GABBR2: variants seen among roughly 807,000 people sequenced by gnomAD.
GABBR2 encodes the protein G-protein coupled receptor 51.
Under a neutral mutation model 105.6 loss-of-function variants are expected in GABBR2, and 23 were observed. The observed-to-expected ratio is 0.22, with a 90% CI of 0.16 to 0.31. The LOEUF (loss-of-function observed/expected upper bound fraction) is 0.31, where lower values mean the gene tolerates loss of function less well. Among genes scored for constraint, GABBR2 ranks in the 10% least tolerant of loss-of-function variants. The pLI is 1.00. For synonymous variants in GABBR2, 478 were observed against 499.7 expected (o/e 0.96, Z 0.58); for missense variants, 734 against 1,245.5 (o/e 0.59, Z 6.18).
In GABBR2 at chr9:98,306,044, A is replaced by T; in HGVS notation, c.2229+77T>A. 1.1e-6 allele frequency: 1 copy of T among 897,814 alleles called. No individual in the cohort carries two copies. Among genetic ancestry groups the T allele is most frequent in the Non-Finnish European group, 1.8e-6 (1 of 564,416 alleles). 55.6% of individuals were successfully genotyped at this position (897,814 alleles called of 1,614,324 possible). On this transcript the variant is annotated intron_variant, in intron 15 of 18. Transcript: ENST00000259455. The surrounding 1 kb of genome is among the most constrained non-coding windows in gnomAD (Gnocchi z 5.4). ...AAAAAGGAATGGGTAAACCTTTTAG[A>T]GAATGGAGAAAAGCCAGCAATGCCC... is the stretch of plus-strand genomic sequence containing the variant.
At chr9:98,693,468 T>C (rs1372208439) in intron 1 of GABBR2, among the ~76,000 whole-genome samples, 1 of 152,200 alleles carries the variant, frequency 6.6e-6, no homozygotes, top group Non-Finnish European at 1.5e-5. Flanking sequence ...AGGTCTCCCT[T>C]GCAGATCATT....
At chr9:98,702,881 G>A (rs1402477439) in intron 1 of GABBR2, among the ~76,000 whole-genome samples, 1 of 152,122 alleles carries the variant, frequency 6.6e-6, no homozygotes, top group Non-Finnish European at 1.5e-5. Flanking sequence ...AGACCCACTG[G>A]CATACCAACC....
At chr9:98,553,142 C>T (rs1009354351) in intron 2 of GABBR2, among the ~76,000 whole-genome samples, 6 of 152,006 alleles carry the variant, frequency 3.9e-5, no homozygotes, top group African/African-American at 1.4e-4. Context: ...CCTTGGCTTC[C>T]AAAAGTGCTG....
chr9:98,624,570 AGGAAGAGAGTCTCTCG>A (rs1374543477), intron 1 of GABBR2, among the ~76,000 whole-genome samples: 1 of 152,100 alleles, frequency 6.6e-6, no homozygotes, highest in Non-Finnish European at 1.5e-5. Flanking sequence ...GAGAGTAGGG[AGGAAGAGAGTCTCTCG>A]GGAAGAGAGA....
At chr9:98,489,513 C>T (rs1827129723) in intron 4 of GABBR2, among the ~76,000 whole-genome samples, 1 of 152,116 alleles carries the variant, frequency 6.6e-6, no homozygotes, top group Admixed American at 6.6e-5. Flanking sequence ...TTTAGAAAGT[C>T]CTTTGTTATC....
chr9:98,363,153 C>A (rs1368649171), intron 12 of GABBR2, among the ~76,000 whole-genome samples: 2 of 152,244 alleles, frequency 1.3e-5, no homozygotes, highest in Non-Finnish European at 2.9e-5. Flanking sequence ...GTCTGGAATA[C>A]CCTATTCTTT....
Position 98,600,966 on chromosome 9 carries a change from G to T in GABBR2, c.322-22894C>A, listed in dbSNP as rs145436478. 6.8e-3 allele frequency among the ~76,000 whole-genome samples: 1,033 copies of T among 152,200 alleles called. 5 individuals are homozygous for T. The highest frequency in any genetic ancestry group is 0.024 in the African/African-American group (977 of 41,502). On this transcript the variant is annotated intron_variant, in intron 1 of 18. Coordinates refer to ENST00000259455, the MANE Select transcript of GABBR2 (RefSeq NM_005458.8). ...GATCAAAAGGCTTTCATGGCCCTCT[G>T]GTCCCCCGGTGAGCACCCTATTACT...
intron 7 of GABBR2, among the ~76,000 whole-genome samples, chr9:98,444,445 G>A (rs1468223483): frequency 4.6e-5 from 7 of 152,112 alleles, no homozygotes. Context: ...ACTGGGAATT[G>A]TACGTCCCCA....
chr9:98,328,945 G>A (rs192162815), intron 13 of GABBR2, among the ~76,000 whole-genome samples: 1 of 152,300 alleles, frequency 6.6e-6, no homozygotes, highest in Admixed American at 6.5e-5. Context: ...TACAAATGAG[G>A]TGACCTTGTG....
chr9:98,339,812 C>G (rs1247352335), intron 13 of GABBR2, among the ~76,000 whole-genome samples: 1 of 152,162 alleles, frequency 6.6e-6, no homozygotes, highest in East Asian at 1.9e-4. Flanking sequence ...AGCTCACATT[C>G]TAGTGAATGG....
At chr9:98,583,543 T>C (rs553214104) in intron 1 of GABBR2, among the ~76,000 whole-genome samples, 16 of 152,212 alleles carry the variant, frequency 1.1e-4, no homozygotes, top group Non-Finnish European at 1.9e-4. Flanking sequence ...ACCACCAATA[T>C]GACCCTGGAG....
chr9:98,623,038 A>G (rs1176375987), intron 1 of GABBR2, among the ~76,000 whole-genome samples: 1 of 152,208 alleles, frequency 6.6e-6, no homozygotes, highest in Non-Finnish European at 1.5e-5. Flanking sequence ...GAGGCTGTGC[A>G]TGTGTGGGAG....
chr9:98,648,128 G>GTGTGTGT (rs1271189831), intron 1 of GABBR2, among the ~76,000 whole-genome samples: 2 of 72,238 alleles, frequency 2.8e-5, no homozygotes, highest in Non-Finnish European at 6.0e-5. Context: ...TAGATAGATA[G>GTGTGTGT]ATAGATAGAT....
chr9:98,381,371 C>T (rs941665021), intron 11 of GABBR2, among the ~76,000 whole-genome samples: 38 of 152,210 alleles, frequency 2.5e-4, no homozygotes, highest in African/African-American at 8.2e-4. Context: ...GCTCCCCACT[C>T]GGTGGGAGTT....
At chr9:98,674,614 G>A (rs771239471) in intron 1 of GABBR2, among the ~76,000 whole-genome samples, 5 of 152,114 alleles carry the variant, frequency 3.3e-5, no homozygotes, top group Non-Finnish European at 7.3e-5. Flanking sequence ...ACAGGACTCG[G>A]GTGTGATGGA....
intron 6 of GABBR2, among the ~76,000 whole-genome samples, chr9:98,463,607 C>T (rs62574627): frequency 0.049 from 1,985 of 40,774 alleles, 17 homozygotes; most frequent in Non-Finnish European, 0.11. Context: ...CTCTCCGTCT[C>T]GCTCTCGCTC....
chr9:98,699,394 T>C (rs1358232447), intron 1 of GABBR2, among the ~76,000 whole-genome samples: 1 of 151,920 alleles, frequency 6.6e-6, no homozygotes, highest in East Asian at 1.9e-4. Flanking sequence ...CACTAAATAA[T>C]AAGAACCCGA....
At chr9:98,345,126 T>G (rs892641218) in intron 13 of GABBR2, among the ~76,000 whole-genome samples, 4 of 152,116 alleles carry the variant, frequency 2.6e-5, no homozygotes, top group Non-Finnish European at 5.9e-5. Context: ...GCTCCCTACA[T>G]AGCTCTCAAA....
chr9:98,684,632 T>A (rs1319380925), intron 1 of GABBR2, among the ~76,000 whole-genome samples: 1 of 152,178 alleles, frequency 6.6e-6, no homozygotes, highest in African/African-American at 2.4e-5. Flanking sequence ...CCTTGGTATA[T>A]TCTGGAAAGG....
Sources: allele counts gnomAD v4.1 joint callset (sites outside exome capture counted in the v4.1 genomes callset), GRCh38; gene constraint gnomAD v4.1.1; non-coding constraint Gnocchi (gnomAD v3.1); transcripts MANE v1.5; gene names NCBI Gene and HGNC (gene_info 2026-07-23, HGNC 2026-07-21).